Variants in ABI3BP observed in about 807,000 individuals in gnomAD.
ABI3BP encodes the protein ABI family member 3 binding protein.
Under a neutral mutation model 268.6 loss-of-function variants are expected in ABI3BP, and 216 were observed. The observed-to-expected ratio is 0.80, with a 90% confidence interval of 0.72 to 0.90. The LOEUF (loss-of-function observed/expected upper bound fraction) is 0.90. Ranked by LOEUF, ABI3BP falls within the 40% of genes least tolerant of loss-of-function variation. The pLI is 0.00. For synonymous variants in ABI3BP, 730 were observed against 730.0 expected (o/e 1.00, Z 0.00); for missense variants, 2,090 against 2,182.4 (o/e 0.96, Z 0.84).
intron 66 of ABI3BP, chr3:100,752,513 A>G (rs1050464987): frequency 6.4e-6 from 2 of 312,864 alleles, no homozygotes; most frequent in African/African-American, 4.2e-5. Context: ...TTGTAACAAA[A>G]TGGAGTTTGA....
intron 2 of ABI3BP, among the ~76,000 whole-genome samples, chr3:100,907,167 T>C (rs1161180417): frequency 1.3e-5 from 2 of 152,214 alleles, no homozygotes; most frequent in East Asian, 1.9e-4. Flanking sequence ...GGAAAAATCA[T>C]ACCTAGTCTC....
chr3:100,854,122 G>A lies in ABI3BP; in HGVS notation c.1286-2182C>T, dbSNP rs78834573. The stretch of plus-strand genomic sequence containing the variant: ...TCCAAACACTTTGGGAGGCCGAGGC[G>A]GGTAAATCCCTTGAGGTTAGGAGTT... On this transcript the variant is annotated intron_variant, in intron 14 of 67. Coordinates refer to ENST00000471714, the MANE Select transcript of ABI3BP (RefSeq NM_001375547.2). Among the ~76,000 whole-genome samples the A allele has an allele frequency of 3.1e-4, 47 of 150,914 alleles. 1 individual carries two copies. In the East Asian group the frequency reaches 8.5e-3, roughly 27 times the overall value.
intron 9 of ABI3BP, among the ~76,000 whole-genome samples, chr3:100,874,605 T>C (rs1383575388): frequency 6.6e-6 from 1 of 152,190 alleles, no homozygotes; most frequent in Non-Finnish European, 1.5e-5. Context: ...TCATAAACAT[T>C]CACTCTCATT....
chr3:100,828,599 T>G (rs1336849697), intron 33 of ABI3BP, 147 bp from the exon 34 acceptor site: 1 of 659,790 alleles, frequency 1.5e-6, no homozygotes, highest in African/African-American at 1.8e-5. Context: ...TGGGAGAAAA[T>G]GACACCTCTG....
intron 1 of ABI3BP, among the ~76,000 whole-genome samples, chr3:100,972,492 C>T (rs2084072218): frequency 6.6e-6 from 1 of 152,166 alleles, no homozygotes. Flanking sequence ...TTATTTTTGC[C>T]ACTTAAGGCT....
chr3:100,777,648 G>T (rs920184226), intron 59 of ABI3BP, among the ~76,000 whole-genome samples: 1 of 152,152 alleles, frequency 6.6e-6, no homozygotes, highest in East Asian at 1.9e-4. Flanking sequence ...GTCAGGGGAG[G>T]TTTTTAAAGA....
At chr3:100,753,948 CT>C in intron 64 of ABI3BP, 100 bp from the exon 65 acceptor site, 1 of 1,227,212 alleles carries the variant, frequency 8.1e-7, no homozygotes, top group Non-Finnish European at 1.2e-6. Flanking sequence ...GTTAAGAAGT[CT>C]TATTTGCAAA....
At chr3:100,753,560 G>A (rs114510079) in intron 65 of ABI3BP, among the ~76,000 whole-genome samples, 1,570 of 152,230 alleles carry the variant, frequency 0.01, 26 homozygotes, top group African/African-American at 0.035. Context: ...TCAGAGTGCT[G>A]GGATTACACT....
chr3:100,849,872 A>G (rs764969549), intron 17 of ABI3BP, among the ~76,000 whole-genome samples, 173 bp downstream of exon 17: 21 of 152,240 alleles, frequency 1.4e-4, no homozygotes, highest in Non-Finnish European at 2.8e-4. Flanking sequence ...TTCTTTAAGG[A>G]TAATCATAAG....
rs536690829 is a variant in ABI3BP, at chr3:100,834,876, A to G, written c.2192-103T>C. ...CTAAAGTTTTCCTAAGTCTTGAGAAATTTGTCTCTTTGGTTTAGAATTTTC... is the reference window on the plus strand; with the variant it reads ...CTAAAGTTTTCCTAAGTCTTGAGAAGTTTGTCTCTTTGGTTTAGAATTTTC... On this transcript the variant is annotated intron_variant, in intron 28 of 67. Coordinates refer to ENST00000471714, the MANE Select transcript of ABI3BP (RefSeq NM_001375547.2). 1.3e-5 allele frequency: 14 copies of G among 1,115,048 alleles called. No homozygotes were observed. The South Asian group carries it at 1.8e-4, about 14-fold the overall frequency. 69.1% of individuals were successfully genotyped at this position (1,115,048 alleles called of 1,614,324 possible).
intron 6 of ABI3BP, among the ~76,000 whole-genome samples, chr3:100,878,337 T>C (rs941005201): frequency 1.7e-4 from 26 of 152,246 alleles, no homozygotes; most frequent in African/African-American, 6.0e-4. Flanking sequence ...ACAGTATTTA[T>C]TTCTTGTAAG....
intron 61 of ABI3BP, among the ~76,000 whole-genome samples, chr3:100,771,784 A>C (rs962245821): frequency 1.3e-5 from 2 of 152,196 alleles, no homozygotes; most frequent in African/African-American, 4.8e-5. Flanking sequence ...TGGTGGTCTC[A>C]TATACATGTA....
At chr3:100,882,460 A>ATTT (rs537647839) in intron 6 of ABI3BP, among the ~76,000 whole-genome samples, 115 of 148,702 alleles carry the variant, frequency 7.7e-4, no homozygotes, top group African/African-American at 2.7e-3. Context: ...ATATATATAT[A>ATTT]TTTTTTTTGC....
intron 4 of ABI3BP, among the ~76,000 whole-genome samples, chr3:100,890,340 A>C (rs1426535444): frequency 6.6e-6 from 1 of 152,068 alleles, no homozygotes; most frequent in Non-Finnish European, 1.5e-5. Flanking sequence ...ACTGAGAAAA[A>C]TTCTGCCCTC....
At chr3:100,780,359 G>T in intron 57 of ABI3BP, 150 bp from the exon 58 acceptor site, 1 of 638,540 alleles carries the variant, frequency 1.6e-6, no homozygotes, top group South Asian at 1.9e-5. Flanking sequence ...CTACTATCTG[G>T]CTATAGAAAA....
chr3:100,792,603 T>G, intron 55 of ABI3BP, 88 bp downstream of exon 55: 2 of 1,366,772 alleles, frequency 1.5e-6, no homozygotes, highest in Non-Finnish European at 2.1e-6. Context: ...TCCACTGTGT[T>G]GAGAAATGAC....
intron 2 of ABI3BP, chr3:100,912,276 T>TAAAAAAAAAAAAAAAAAA (rs71132535): frequency 4.1e-5 from 1 of 24,676 alleles, no homozygotes; most frequent in Non-Finnish European, 6.9e-5. Context: ...CTCTCTTTTG[T>TAAAAAAAAAAAAAAAAAA]AAAAAAAAAA....
intron 61 of ABI3BP, 110 bp from the exon 62 acceptor site, chr3:100,771,062 T>C: frequency 1.0e-6 from 1 of 1,000,388 alleles, no homozygotes; most frequent in East Asian, 2.9e-5. Flanking sequence ...TATAAGCGGA[T>C]GGTTGAAAGC....
chr3:100,793,250 AAC>A (rs2097251791), intron 54 of ABI3BP, among the ~76,000 whole-genome samples: 1 of 152,028 alleles, frequency 6.6e-6, no homozygotes, highest in Non-Finnish European at 1.5e-5. Flanking sequence ...TTGACATACA[AAC>A]ACAATCCTCT....
Sources: allele counts gnomAD v4.1 joint callset (sites outside exome capture counted in the v4.1 genomes callset), GRCh38; gene constraint gnomAD v4.1.1; transcripts MANE v1.5; gene names NCBI Gene and HGNC (gene_info 2026-07-23, HGNC 2026-07-21).